Variants in DCTN3 observed in about 807,000 individuals in gnomAD.
The protein encoded by DCTN3 is dynactin subunit 3.
A neutral mutation model predicts 28.4 loss-of-function variants in DCTN3; 25 were observed. The ratio of observed to expected loss-of-function variants is 0.88; its 90% CI spans 0.64 to 1.23. The LOEUF (loss-of-function observed/expected upper bound fraction) is 1.23, where lower values mean the gene tolerates loss of function less well. DCTN3 is among the 50% of genes most tolerant of loss of function. The probability of loss-of-function intolerance (pLI) is 0.00; values close to 1 mark genes in which losing one functional copy is unlikely to be tolerated. For missense variants in DCTN3, 229 were observed against 232.0 expected (o/e 0.99, Z 0.08); for synonymous variants, 81 against 91.4 (o/e 0.89, Z 0.65).
chr9:34,615,785 CCT>C, intron 4 of DCTN3: 1 of 355,612 alleles, frequency 2.8e-6, no homozygotes, highest in Admixed American at 4.5e-5. Context: ...CACCTGTAAT[CCT>C]AGCTACTTGG....
At chr9:34,619,786 C>T (rs1040150035) in intron 1 of DCTN3, among the ~76,000 whole-genome samples, 2 of 152,096 alleles carry the variant, frequency 1.3e-5, no homozygotes, top group Non-Finnish European at 2.9e-5. Flanking sequence ...AAAGATCTTC[C>T]CATAGTAGAA....
rs1587210839 is a variant in DCTN3 at position 34,620,351 on chromosome 9, C to T, written c.96+18G>A. 1.2e-6 allele frequency: 2 copies of T among 1,611,356 alleles called. No individual in the cohort carries two copies. On this transcript the variant is annotated intron_variant, in intron 1 of 6. Coordinates refer to ENST00000259632, the MANE Select transcript of DCTN3 (RefSeq NM_007234.5). Reference sequence around the variant, plus strand: ...CTTGCTCTGCTCCAGAAAGGGACTACCGGACCAGACTACTCACCTTCCGTG... The same window carrying T: ...CTTGCTCTGCTCCAGAAAGGGACTATCGGACCAGACTACTCACCTTCCGTG...
Position 34,613,686 on chromosome 9 carries a change from TA to T in DCTN3, c.*95del. 2.0e-6 allele frequency: 3 copies of T among 1,529,470 alleles called. No homozygotes were observed. The highest frequency in any genetic ancestry group is 2.7e-6 in the Non-Finnish European group (3 of 1,129,942). 94.7% of individuals were successfully genotyped at this position (1,529,470 alleles called of 1,614,324 possible). On this transcript the variant is annotated 3_prime_UTR_variant, in exon 7 of 7. Coordinates refer to ENST00000259632, the MANE Select transcript of DCTN3 (RefSeq NM_007234.5). ...ACAGAGAGGTGGGCCTTGAAGCCAA[TA>T]AATACAAAGCTTCCTCTGCCTTGTA...
intron 1 of DCTN3, among the ~76,000 whole-genome samples, chr9:34,619,926 A>C (rs981827819): frequency 1.2e-4 from 19 of 152,072 alleles, no homozygotes; most frequent in African/African-American, 4.3e-4. Context: ...TTCAGACCTC[A>C]CTTCTCACCC....
intron 4 of DCTN3, 23 bp from the exon 5 acceptor site, chr9:34,614,791 C>T (rs201976373): frequency 1.2e-6 from 2 of 1,613,700 alleles, no homozygotes; most frequent in Admixed American, 1.7e-5. Context: ...ACACACACTG[C>T]TGGATGATGC....
At chr9:34,618,608 TAGGGCC>T in intron 2 of DCTN3, 62 bp downstream of exon 2, 1 of 1,249,046 alleles carries the variant, frequency 8.0e-7, no homozygotes, top group Non-Finnish European at 1.2e-6. Flanking sequence ...ACTGAAGGGC[TAGGGCC>T]AGGTACCAGG....
Position 34,616,985 on chromosome 9 carries a change from A to G in DCTN3, c.269-872T>C, listed in dbSNP as rs1820437558. ...TAGGGTCAAGAGTATGATTTAGGAG[A>G]CTGTGCAACCATTCATATGCAAGTG... is the stretch of plus-strand genomic sequence containing the variant. On this transcript the variant is annotated intron_variant, in intron 3 of 6. Coordinates refer to ENST00000259632, the MANE Select transcript of DCTN3 (RefSeq NM_007234.5). The surrounding 1 kb of genome is among the most constrained non-coding windows in gnomAD (Gnocchi z 4.7). Among the ~76,000 whole-genome samples the G allele has an allele frequency of 6.6e-6, 1 of 152,126 alleles. No homozygotes were observed. Among genetic ancestry groups the G allele is most frequent in the Non-Finnish European group, 1.5e-5 (1 of 68,012 alleles).
At chr9:34,615,574 A>C (rs1180262493) in intron 4 of DCTN3, 4 of 152,724 alleles carry the variant, frequency 2.6e-5, no homozygotes, top group African/African-American at 9.7e-5. Flanking sequence ...CTATCCTGGT[A>C]ATTTTAATTG....
intron 5 of DCTN3, 43 bp from the exon 6 acceptor site, chr9:34,614,144 C>A: frequency 6.2e-7 from 1 of 1,613,976 alleles, no homozygotes; most frequent in East Asian, 2.2e-5. Flanking sequence ...TGGGCAAAGC[C>A]CACATCTTCC....
rs146141185 is a variant in DCTN3 at position 34,614,116 on chromosome 9, T to C, written c.412-15A>G. 67 of 1,614,074 alleles carry C rather than the reference T, an allele frequency of 4.2e-5. No homozygotes were observed. In the African/African-American group the frequency reaches 7.9e-4, roughly 19 times the overall value. ...ACACACTGGTCCTGTAGGGCCAAAG[T>C]GTAGCACAGAAAGGAACTGGGCAAA... is the stretch of plus-strand genomic sequence containing the variant. On this transcript the variant is annotated splice_polypyrimidine_tract_variant and intron_variant, in intron 5 of 6. Transcript: ENST00000259632.
chr9:34,614,699 C>T lies in DCTN3; in HGVS notation c.411+11G>A. ...CTCCATCTTCGCTTCTAGTCATCTC[C>T]CCTCCCATACCTGCTGCTGAATGTG... On this transcript the variant is annotated intron_variant, in intron 5 of 6. Coordinates refer to ENST00000259632, the MANE Select transcript of DCTN3 (RefSeq NM_007234.5). 1 of 1,614,054 alleles carries T rather than the reference C, an allele frequency of 6.2e-7. No individual in the cohort carries two copies. Among genetic ancestry groups the T allele is most frequent in the Middle Eastern group, 1.6e-4 (1 of 6,062 alleles).
At chr9:34,619,560 T>A (rs1483615724) in intron 1 of DCTN3, among the ~76,000 whole-genome samples, 1 of 151,962 alleles carries the variant, frequency 6.6e-6, no homozygotes, top group African/African-American at 2.4e-5. Flanking sequence ...GGGAGGCAAA[T>A]AACACTGAGA....
At chr9:34,614,603 C>T (rs1820379228) in intron 5 of DCTN3, 107 bp downstream of exon 5, 3 of 1,306,002 alleles carry the variant, frequency 2.3e-6, no homozygotes, top group Non-Finnish European at 3.3e-6. Context: ...AAAGTTTCTG[C>T]TGAGGTTACA....
chr9:34,618,736 G>T lies in DCTN3; in HGVS notation c.121C>A (p.Gln41Lys). The change falls in exon 2 of 7, where the codon CAG becomes AAG. Residue 41 changes from glutamine (Q) to lysine (K), a missense_variant. Transcript: ENST00000259632. ...CTGGAAATGTTCCCCAAAGCCACCTGCACCTTGACCAGGCCGTCAGCCACC... is the reference window on the plus strand; with the variant it reads ...CTGGAAATGTTCCCCAAAGCCACCTTCACCTTGACCAGGCCGTCAGCCACC... ...RKVADGLVKVQVALGNISSKR... is the reference protein window; with the variant it reads ...RKVADGLVKVKVALGNISSKR... The T allele has an allele frequency of 1.2e-6, 2 of 1,614,114 alleles. No individual in the cohort carries two copies. The highest frequency in any genetic ancestry group is 8.5e-7 in the Non-Finnish European group (1 of 1,179,978).
At chr9:34,617,702 T>C (rs1332197720) in intron 3 of DCTN3, 183 bp downstream of exon 3, 82 of 1,497,380 alleles carry the variant, frequency 5.5e-5, no homozygotes, top group Non-Finnish European at 7.2e-5. Flanking sequence ...TGCAGAGGTA[T>C]ACTGTACTCA....
At position 34,613,830 on chromosome 9, in the gene DCTN3, T is replaced by C. The variant is rs759882419; in HGVS notation, c.513A>G (p.Leu171=). 5 of 1,614,178 alleles carry C rather than the reference T, an allele frequency of 3.1e-6. No individual in the cohort carries two copies. The highest frequency in any genetic ancestry group is 1.6e-4 in the Middle Eastern group (1 of 6,062). Residue 171 remains leucine (L), a synonymous_variant, in exon 7 of 7, where the codon CTA becomes CTG. Transcript: ENST00000259632. Reference sequence around the variant, plus strand: ...GCGTGGCGGCCTCTAGCTGGCAAAGTAGCTCATCCCACTGCACGAATTGCT... The same window carrying C: ...GCGTGGCGGCCTCTAGCTGGCAAAGCAGCTCATCCCACTGCACGAATTGCT... ...LSKQFVQWDE[L]LCQLEAATQV...
At chr9:34,617,642 A>AG in intron 3 of DCTN3, 1 of 1,435,352 alleles carries the variant, frequency 7.0e-7, no homozygotes. Context: ...AACTATTGAT[A>AG]GAACACTGGA....
At chr9:34,614,682 T>G in intron 5 of DCTN3, 28 bp downstream of exon 5, 1 of 1,613,860 alleles carries the variant, frequency 6.2e-7, no homozygotes, top group Non-Finnish European at 8.5e-7. Flanking sequence ...ACCTCCATCT[T>G]CGCTTCTAGT....
At position 34,616,947 on chromosome 9, in the gene DCTN3, G is replaced by T. The variant is rs1211861344; in HGVS notation, c.269-834C>A. Reference sequence around the variant, plus strand: ...TGAGGGTGAGACTGAACCACATGCAGGAAGGGAAAGATTAGGGTCAAGAGT... The same window carrying T: ...TGAGGGTGAGACTGAACCACATGCATGAAGGGAAAGATTAGGGTCAAGAGT... On this transcript the variant is annotated intron_variant, in intron 3 of 6. Transcript: ENST00000259632. The surrounding 1 kb of genome is among the most constrained non-coding windows in gnomAD (Gnocchi z 4.7). 6.6e-6 allele frequency among the ~76,000 whole-genome samples: 1 copy of T among 152,208 alleles called. No homozygotes were observed. Among genetic ancestry groups the T allele is most frequent in the African/African-American group, 2.4e-5 (1 of 41,450 alleles).
Sources: gnomAD v4.1 joint callset for allele counts (sites outside exome capture counted in the v4.1 genomes callset) on GRCh38, gnomAD v4.1.1 for gene constraint, Gnocchi (gnomAD v3.1) non-coding constraint, MANE v1.5 for transcripts, NCBI Gene and HGNC (gene_info 2026-07-23, HGNC 2026-07-21) for gene names.